The following GGT7 variants were observed in gnomAD, a reference collection of about 807,000 sequenced individuals.
GGT7 encodes glutathione hydrolase 7.
GGT7 carries 30 observed loss-of-function variants against 69.2 expected under a neutral mutation model. The observed-to-expected ratio is 0.43, with a 90% CI of 0.32 to 0.59. The LOEUF is 0.59. GGT7 is among the 20% of genes least tolerant of loss of function. GGT7 has a pLI of 0.05. For synonymous variants in GGT7, 388 were observed against 391.8 expected (o/e 0.99, Z 0.12); for missense variants, 733 against 901.1 (o/e 0.81, Z 2.39).
Position 34,850,054 on chromosome 20 carries a change from G to C in GGT7, c.1732C>G (p.Leu578Val). ...RGLSGLTQVL[L>V]NVLTLNRNLS... ...TTCCGGTTCAAGGTCAGGACATTCA[G>C]CAGAACCTGTGGTAGCCAAGGTACA... is the stretch of plus-strand genomic sequence containing the variant. The change falls in exon 14 of 15, where the codon CTG becomes GTG. Residue 578 changes from leucine (L) to valine (V), a missense_variant. Physicochemically the swap from Leu to Val is conservative, Grantham distance 32 (BLOSUM62 1). Coordinates refer to ENST00000336431, the MANE Select transcript of GGT7 (RefSeq NM_178026.3). 6.2e-7 allele frequency: 1 copy of C among 1,612,208 alleles called. No homozygotes were observed.
Position 34,863,352 on chromosome 20 carries a change from G to A in GGT7, c.366C>T (p.Thr122=). ...TACLTFATGV[T]VALVMQIYFG... is the part of the protein sequence containing the mutation. ...AGTAGATCTGCATGACCAGCGCCAC[G>A]GTGACACCGGTAGCGAAGGTGAGAC... The change falls in exon 2 of 15, where the codon ACC becomes ACT. Residue 122 remains threonine, a synonymous_variant. Transcript: ENST00000336431. The surrounding 1 kb of genome is among the most constrained non-coding windows in gnomAD (Gnocchi z 4.4). 6.2e-7 allele frequency: 1 copy of A among 1,613,736 alleles called. No individual in the cohort carries two copies. Among genetic ancestry groups the A allele is most frequent in the Non-Finnish European group, 8.5e-7 (1 of 1,179,856 alleles).
chr20:34,864,025 AG>A (rs958947360), intron 1 of GGT7, among the ~76,000 whole-genome samples: 31 of 152,350 alleles, frequency 2.0e-4, no homozygotes, highest in African/African-American at 7.5e-4. Flanking sequence ...GCTAGGTGCC[AG>A]GGGACGGGAA....
At chr20:34,856,968 CA>C in intron 7 of GGT7, 75 bp from the exon 8 acceptor site, 2 of 889,582 alleles carry the variant, frequency 2.2e-6, no homozygotes, top group Non-Finnish European at 3.7e-6. Context: ...ACGTTTGGAT[CA>C]CAGACAGATC....
At chr20:34,849,893 C>T in intron 14 of GGT7, 68 bp downstream of exon 14, 2 of 930,374 alleles carry the variant, frequency 2.1e-6, no homozygotes, top group South Asian at 3.1e-5. Flanking sequence ...GGCATGGGCA[C>T]CCTTGGGAGG....
chr20:34,861,583 G>A (rs978420541), intron 3 of GGT7, 21 bp from the exon 4 acceptor site: 3 of 1,357,950 alleles, frequency 2.2e-6, no homozygotes, highest in Non-Finnish European at 2.0e-6. Context: ...CACAGAAGGG[G>A]AAGTGTGATG....
At position 34,863,692 on chromosome 20, in the gene GGT7, T is replaced by C. The variant is rs1360138053; in HGVS notation, c.170-144A>G. ...TAGCACTACTCACCTTTCCTCATTT[T>C]CGCGTGCACCCCAGGACAGGCGGGG... is the stretch of plus-strand genomic sequence containing the variant. On this transcript the variant is annotated intron_variant, in intron 1 of 14. Coordinates refer to ENST00000336431, the MANE Select transcript of GGT7 (RefSeq NM_178026.3). The surrounding 1 kb of genome is among the most constrained non-coding windows in gnomAD (Gnocchi z 4.4). 5.4e-6 allele frequency: 4 copies of C among 734,334 alleles called. No homozygotes were observed. In the East Asian group the frequency reaches 1.1e-4, roughly 20 times the overall value. 45.5% of individuals were successfully genotyped at this position (734,334 alleles called of 1,614,324 possible). A position where few individuals can be genotyped will look rare whatever the true frequency, so the allele number is the denominator to read the frequency against.
At chr20:34,846,068 AAAAAG>A (rs1289924425) in intron 14 of GGT7, among the ~76,000 whole-genome samples, 2 of 152,010 alleles carry the variant, frequency 1.3e-5, no homozygotes, top group East Asian at 3.9e-4. Context: ...CTGTCTCCAA[AAAAAG>A]AAAAGAAAGA....
rs76569361 is a variant in GGT7, at chr20:34,845,295, G to T, written c.*33C>A. 8.2e-6 allele frequency: 13 copies of T among 1,585,776 alleles called. No individual in the cohort carries two copies. Among genetic ancestry groups the T allele is most frequent in the South Asian group, 3.4e-5 (3 of 88,226 alleles). On this transcript the variant is annotated 3_prime_UTR_variant, in exon 15 of 15. Transcript: ENST00000336431. ...GAGGGACTCTGGGAACATGCAAAGT[G>T]GGGGAGCAGAGACCCCGCCCCACCC...
Position 34,872,699 on chromosome 20 carries a change from G to A in GGT7, c.117C>T (p.Ala39=). ...RLPEDEPAPA[A]PLRGRKDEDA... is the part of the protein sequence containing the mutation. ...CCTCGTCCTTGCGGCCCCTCAGCGG[G>A]GCCGCGGGCGCCGGCTCGTCCTCGG... The change falls in exon 1 of 15, where the codon GCC becomes GCT. Residue 39 remains alanine, a synonymous_variant. Coordinates refer to ENST00000336431, the MANE Select transcript of GGT7 (RefSeq NM_178026.3). 6.7e-7 allele frequency: 1 copy of A among 1,483,458 alleles called. No individual in the cohort carries two copies. Among genetic ancestry groups the A allele is most frequent in the Non-Finnish European group, 8.9e-7 (1 of 1,121,486 alleles). The allele number at this position is 1,483,458 out of a possible 1,614,324, so 91.9% of individuals were successfully genotyped here. A position where few individuals can be genotyped will look rare whatever the true frequency, so the allele number is the denominator to read the frequency against.
chr20:34,867,888 G>A (rs2079719006), intron 1 of GGT7, among the ~76,000 whole-genome samples: 1 of 152,148 alleles, frequency 6.6e-6, no homozygotes, highest in Non-Finnish European at 1.5e-5. Flanking sequence ...CTTTGTTTTT[G>A]AGAGATAATC....
intron 13 of GGT7, chr20:34,850,925 G>A: frequency 4.6e-6 from 3 of 658,108 alleles, no homozygotes; most frequent in East Asian, 3.1e-5. Context: ...ATGCTGGGTA[G>A]AGGTATAATG....
intron 13 of GGT7, chr20:34,850,338 C>T (rs906393639): frequency 1.7e-6 from 1 of 577,368 alleles, no homozygotes; most frequent in African/African-American, 1.9e-5. Flanking sequence ...TTTAATCTAG[C>T]CCGGGGCTCC....
At chr20:34,850,237 A>G (rs2079367216) in intron 13 of GGT7, 177 bp from the exon 14 acceptor site, 1 of 764,024 alleles carries the variant, frequency 1.3e-6, no homozygotes, top group African/African-American at 1.7e-5. Flanking sequence ...TTTCCATTTC[A>G]CAGAGAGGGA....
chr20:34,851,565 T>TG (rs1311336155), intron 12 of GGT7, among the ~76,000 whole-genome samples, 197 bp from the exon 13 acceptor site: 7 of 151,940 alleles, frequency 4.6e-5, no homozygotes, highest in Non-Finnish European at 8.8e-5. Flanking sequence ...GTGGGGTGGA[T>TG]GGGGGAGTGA....
intron 5 of GGT7, 54 bp from the exon 6 acceptor site, chr20:34,860,096 GTC>G: frequency 1.2e-6 from 1 of 810,832 alleles, no homozygotes; most frequent in Non-Finnish European, 2.1e-6. Flanking sequence ...ATGAGGAGGG[GTC>G]CGGGGGGAGG....
Position 34,859,579 on chromosome 20 carries a change from AG to A in GGT7, c.877del (p.Leu293CysfsTer54). 6.2e-7 allele frequency: 1 copy of A among 1,603,324 alleles called. No homozygotes were observed. The highest frequency in any genetic ancestry group is 8.5e-7 in the Non-Finnish European group (1 of 1,175,298). On this transcript the variant is annotated frameshift_variant, in exon 7 of 15. Transcript: ENST00000336431. LOFTEE classifies it high-confidence loss of function. ...NMSERFRETF[L>X]PSGRPPLPGS... ...AGGTAGTGGCGGGCGGCCCGATGGCAGGAACGTCTCCCGGAAGCGCTCGGAC... is the reference window on the plus strand; with the variant it reads ...AGGTAGTGGCGGGCGGCCCGATGGCAGAACGTCTCCCGGAAGCGCTCGGAC...
chr20:34,852,471 G>A lies in GGT7; in HGVS notation c.1387C>T (p.Pro463Ser). ...GGAGCTCCGTCTAGTTCATAGACAG[G>A]CAGGAGTGGGGCAGGGGCTGCCTGG... ...DSQAAPAPLLPVYELDGAPTA... is the reference protein window; with the variant it reads ...DSQAAPAPLLSVYELDGAPTA... Residue 463 changes from proline (P) to serine (S), a missense_variant, in exon 11 of 15, where the codon CCT becomes TCT. Physicochemically the swap from Pro to Ser is moderately conservative, Grantham distance 74. Transcript: ENST00000336431. 6.2e-7 allele frequency: 1 copy of A among 1,612,166 alleles called. No individual in the cohort carries two copies. The highest frequency in any genetic ancestry group is 8.5e-7 in the Non-Finnish European group (1 of 1,179,256).
At chr20:34,855,622 A>G (rs1410174093) in intron 8 of GGT7, among the ~76,000 whole-genome samples, 1 of 152,076 alleles carries the variant, frequency 6.6e-6, no homozygotes. Context: ...ACATCATCTC[A>G]TCAAATCCTT....
chr20:34,858,021 C>A (rs954287366), intron 7 of GGT7, among the ~76,000 whole-genome samples: 4 of 152,196 alleles, frequency 2.6e-5, no homozygotes, highest in African/African-American at 9.7e-5. Context: ...CCTGCATTCC[C>A]TTTGCCACCT....
Sources: gnomAD v4.1 joint callset for allele counts (sites outside exome capture counted in the v4.1 genomes callset) on GRCh38, gnomAD v4.1.1 for gene constraint, Gnocchi (gnomAD v3.1) non-coding constraint, MANE v1.5 for transcripts, NCBI Gene and HGNC (gene_info 2026-07-23, HGNC 2026-07-21) for gene names.